The following ABL1 variants were observed in gnomAD, a reference collection of about 807,000 sequenced individuals.
ABL1 encodes the protein ABL proto-oncogene 1, non-receptor tyrosine kinase.
In ABL1, 11 loss-of-function variants were observed where a neutral mutation model predicts 94.7. That is an observed-to-expected ratio of 0.12 (90% CI 0.07 to 0.19). ABL1 has a LOEUF of 0.19. ABL1 is among the 10% of genes least tolerant of loss of function. ABL1 has a pLI of 1.00. For missense variants in ABL1, 1,082 were observed against 1,489.4 expected, an observed-to-expected ratio of 0.73 and a Z score of 4.50; for synonymous variants, 656 against 622.4, an observed-to-expected ratio of 1.05 and a Z score of -0.80.
chr9:130,787,187 TCTTTA>T (rs1829838946), intron 1 of ABL1, among the ~76,000 whole-genome samples: 2 of 152,188 alleles, frequency 1.3e-5, no homozygotes, highest in Admixed American at 1.3e-4. Context: ...CTGCTGTTGC[TCTTTA>T]CTTGGAGCCA....
At chr9:130,854,284 C>G (rs367919251) in intron 2 of ABL1, 47 bp downstream of exon 2, 3 of 1,591,194 alleles carry the variant, frequency 1.9e-6, no homozygotes, top group East Asian at 2.2e-5. Flanking sequence ...AGATAGAAAT[C>G]TGGGAATTGC....
At chr9:130,848,041 G>A (rs1830800174) in intron 1 of ABL1, among the ~76,000 whole-genome samples, 3 of 152,188 alleles carry the variant, frequency 2.0e-5, no homozygotes, top group Admixed American at 6.5e-5. Flanking sequence ...AAGCATTTCT[G>A]TATTCATGAC....
chr9:130,751,210 C>T (rs557365216), intron 1 of ABL1, among the ~76,000 whole-genome samples: 84 of 122,772 alleles, frequency 6.8e-4, no homozygotes, highest in Non-Finnish European at 1.1e-3. Context: ...GGCGCGATCT[C>T]GGCTCACTGC....
At position 130,868,525 on chromosome 9, in the gene ABL1, T is replaced by TC. The variant is rs561261563; in HGVS notation, c.823-3604_823-3603insC. Among the ~76,000 whole-genome samples, 182 of 131,066 alleles carry TC rather than the reference T, an allele frequency of 1.4e-3. 2 individuals are homozygous for TC. The South Asian group carries it at 0.026, about 19-fold the overall frequency. 86.0% of individuals were successfully genotyped at this position (131,066 alleles called of 152,430 possible). On this transcript the variant is annotated intron_variant, in intron 4 of 10. Transcript: ENST00000318560. ...GCCATTTCTTTTTTCTTTTTCTTTT[T>TC]TTTTTTTTTTTTTTTTCAGACAGAG...
At chr9:130,832,010 C>A (rs903874504), upstream of ABL1, among the ~76,000 whole-genome samples, 1 of 152,188 alleles carries the variant, frequency 6.6e-6, no homozygotes, top group Non-Finnish European at 1.5e-5. Flanking sequence ...AACCAAGACT[C>A]CGCATTTTAA....
chr9:130,783,129 T>C (rs1353645357), intron 1 of ABL1, among the ~76,000 whole-genome samples: 1 of 152,236 alleles, frequency 6.6e-6, no homozygotes, highest in African/African-American at 2.4e-5. Flanking sequence ...ATCAGTAATA[T>C]TTTAATTATG....
chr9:130,792,349 G>A (rs987086566), intron 1 of ABL1, among the ~76,000 whole-genome samples: 12 of 152,156 alleles, frequency 7.9e-5, no homozygotes, highest in African/African-American at 1.2e-4. Context: ...ATGGTAGCTC[G>A]CATGGTAACA....
chr9:130,738,446 A>G (rs1182251983), intron 1 of ABL1, among the ~76,000 whole-genome samples: 2 of 152,226 alleles, frequency 1.3e-5, no homozygotes, highest in African/African-American at 2.4e-5. Flanking sequence ...AGCTCATTAC[A>G]GGTAGTTGCT....
chr9:130,878,681 GTTC>G, intron 8 of ABL1, 114 bp downstream of exon 8: 2 of 1,288,860 alleles, frequency 1.6e-6, no homozygotes, highest in Non-Finnish European at 2.2e-6. Flanking sequence ...CTCCATTCCA[GTTC>G]TTCAGATGCA....
intron 1 of ABL1, among the ~76,000 whole-genome samples, chr9:130,742,974 T>G (rs572102110): frequency 1.3e-5 from 2 of 152,316 alleles, no homozygotes; most frequent in South Asian, 2.1e-4. Context: ...TTCTAAAAAA[T>G]TATTATTAAT....
chr9:130,735,652 G>A (rs1320804560), intron 1 of ABL1, among the ~76,000 whole-genome samples: 1 of 151,276 alleles, frequency 6.6e-6, no homozygotes, highest in Non-Finnish European at 1.5e-5. Flanking sequence ...TCTTTTTATG[G>A]CTGCATTGAA....
intron 1 of ABL1, among the ~76,000 whole-genome samples, chr9:130,792,235 C>T (rs1829918615): frequency 6.6e-6 from 1 of 152,128 alleles, no homozygotes; most frequent in Admixed American, 6.5e-5. Context: ...CTTACAGCCT[C>T]CAGGACTTTA....
intron 1 of ABL1, among the ~76,000 whole-genome samples, chr9:130,792,020 T>A (rs1181662169): frequency 6.6e-6 from 1 of 152,090 alleles, no homozygotes; most frequent in Non-Finnish European, 1.5e-5. Context: ...ATTAAGTTGA[T>A]CCAGAGAGAT....
At chr9:130,716,589 C>T (rs1043960706) in intron 1 of ABL1, among the ~76,000 whole-genome samples, 1 of 152,072 alleles carries the variant, frequency 6.6e-6, no homozygotes, top group African/African-American at 2.4e-5. Flanking sequence ...CTGAACTAGC[C>T]ACTTTTTTCA....
chr9:130,715,451 G>C, intron 1 of ABL1, among the ~76,000 whole-genome samples: 1 of 152,190 alleles, frequency 6.6e-6, no homozygotes, highest in East Asian at 1.9e-4. Flanking sequence ...GCTTCTGTTG[G>C]ATGAACTTGC....
At chr9:130,726,699 C>G (rs191743293) in intron 1 of ABL1, among the ~76,000 whole-genome samples, 41 of 152,158 alleles carry the variant, frequency 2.7e-4, no homozygotes, top group African/African-American at 9.2e-4. Context: ...GTCTCAAACT[C>G]CTGGCTTCAA....
chr9:130,883,814 T>TTTTGTTTG (rs544947423), intron 10 of ABL1, among the ~76,000 whole-genome samples, 155 bp from the exon 11 acceptor site: 3 of 152,238 alleles, frequency 2.0e-5, no homozygotes, highest in South Asian at 2.1e-4. Context: ...TTGACAATTT[T>TTTTGTTTG]TTTGTTTGTT....
intron 1 of ABL1, among the ~76,000 whole-genome samples, chr9:130,734,391 A>C (rs567229155): frequency 6.0e-4 from 86 of 143,768 alleles, no homozygotes; most frequent in Non-Finnish European, 1.0e-3. Flanking sequence ...TTTTTTTTGC[A>C]TGTTTAGTAG....
upstream of ABL1, among the ~76,000 whole-genome samples, chr9:130,833,535 G>A (rs1830519388): frequency 6.6e-6 from 1 of 152,188 alleles, no homozygotes; most frequent in African/African-American, 2.4e-5. Flanking sequence ...TCCCCTGGGG[G>A]CCCTGTAGTC....
Sources: allele counts gnomAD v4.1 joint callset (sites outside exome capture counted in the v4.1 genomes callset), GRCh38; gene constraint gnomAD v4.1.1; transcripts MANE v1.5; gene names NCBI Gene and HGNC (gene_info 2026-07-23, HGNC 2026-07-21).